CD109: variants seen among roughly 807,000 people sequenced by gnomAD.
CD109 encodes the protein CD109 antigen.
Under a neutral mutation model 165.8 loss-of-function variants are expected in CD109, and 149 were observed. The observed-to-expected ratio is 0.90, with a 90% CI of 0.79 to 1.03. The LOEUF (loss-of-function observed/expected upper bound fraction) is 1.03, where lower values mean the gene tolerates loss of function less well. CD109 is among the 50% of genes least tolerant of loss of function. CD109 has a pLI of 0.00. For synonymous variants in CD109, 585 were observed against 592.1 expected (o/e 0.99, Z 0.18); for missense variants, 1,712 against 1,677.8 (o/e 1.02, Z -0.36).
At chr6:73,797,837 T>C (rs1392746946) in intron 23 of CD109, among the ~76,000 whole-genome samples, 1 of 152,044 alleles carries the variant, frequency 6.6e-6, no homozygotes, top group Non-Finnish European at 1.5e-5. Context: ...GGCTCATGGG[T>C]TTTTATCTTA....
rs139876305 is a variant in CD109, at chr6:73,772,301, C to G, written c.1827+720C>G. 1.1e-3 allele frequency among the ~76,000 whole-genome samples: 171 copies of G among 151,948 alleles called. 1 individual carries two copies. The highest frequency in any genetic ancestry group is 3.9e-3 in the African/African-American group (162 of 41,464). ...TGGGTGGATCACGAGGTCAGGAGAT[C>G]GAGACCATCTTGGCTAACATGGTGA... On this transcript the variant is annotated intron_variant, in intron 15 of 32. Transcript: ENST00000287097.
chr6:73,759,053 T>C, intron 7 of CD109, 25 bp downstream of exon 7: 4 of 1,405,692 alleles, frequency 2.8e-6, no homozygotes, highest in Non-Finnish European at 4.0e-6. Flanking sequence ...TCTTTTGATA[T>C]GACTCAAAAC....
intron 3 of CD109, 115 bp downstream of exon 3, chr6:73,723,394 T>C (rs993916889): frequency 1.8e-5 from 15 of 836,968 alleles, no homozygotes; most frequent in South Asian, 6.2e-5. Flanking sequence ...TCATGTAAGT[T>C]TGGCTTGAGT....
intron 25 of CD109, among the ~76,000 whole-genome samples, chr6:73,807,809 T>A (rs1011206280): frequency 4.1e-4 from 63 of 152,308 alleles, no homozygotes; most frequent in African/African-American, 1.4e-3. Flanking sequence ...TCTGTGATAC[T>A]GAGTGGGAGA....
intron 25 of CD109, 72 bp downstream of exon 25, chr6:73,807,144 G>A (rs1419480400): frequency 6.4e-6 from 7 of 1,098,042 alleles, no homozygotes; most frequent in African/African-American, 4.7e-5. Context: ...GGTCAAATAT[G>A]TGTGTGGAAA....
rs185912813 is a variant in CD109 at position 73,808,258 on chromosome 6, T to C, written c.3355+10T>C. ...AGAGCAGAACAAGAAGGTAATGTGC[T>C]GGGCCCACTTGAGGTTGTTATGCTT... On this transcript the variant is annotated intron_variant, in intron 26 of 32. Coordinates refer to ENST00000287097, the MANE Select transcript of CD109 (RefSeq NM_133493.5). 392 of 1,600,986 alleles carry C rather than the reference T, an allele frequency of 2.4e-4. 4 individuals are homozygous for C. In the East Asian group the frequency reaches 8.0e-3, roughly 33 times the overall value.
intron 32 of CD109, among the ~76,000 whole-genome samples, chr6:73,821,845 A>G (rs1422539365): frequency 6.6e-6 from 1 of 152,196 alleles, no homozygotes; most frequent in Non-Finnish European, 1.5e-5. Flanking sequence ...CTTGTAACAA[A>G]CTTGTACATG....
At chr6:73,790,231 A>G (rs1209753447) in intron 22 of CD109, among the ~76,000 whole-genome samples, 2 of 150,920 alleles carry the variant, frequency 1.3e-5, no homozygotes, top group East Asian at 3.9e-4. Flanking sequence ...TGAAGATGGG[A>G]CTACAGGTGT....
intron 2 of CD109, among the ~76,000 whole-genome samples, chr6:73,719,230 T>C (rs781188892): frequency 1.6e-4 from 24 of 152,292 alleles, no homozygotes; most frequent in Non-Finnish European, 2.5e-4. Context: ...CTTTAAAGAG[T>C]TGCTAGTTAA....
chr6:73,801,238 T>G (rs1167022175), intron 23 of CD109, among the ~76,000 whole-genome samples: 3 of 152,248 alleles, frequency 2.0e-5, no homozygotes, highest in African/African-American at 7.2e-5. Flanking sequence ...ACATGGTATC[T>G]GTATCCGCTG....
At chr6:73,717,017 C>G (rs527440907) in intron 2 of CD109, among the ~76,000 whole-genome samples, 7 of 152,186 alleles carry the variant, frequency 4.6e-5, no homozygotes, top group Non-Finnish European at 1.0e-4. Context: ...TTTCCTAGCA[C>G]CATTTATTGA....
In CD109 at chr6:73,787,175, G is replaced by C. The variant is rs981908143; in HGVS notation, c.2338-59G>C. The C allele has an allele frequency of 2.8e-6, 3 of 1,086,446 alleles. No individual in the cohort carries two copies. The African/African-American group carries it at 4.8e-5, about 17-fold the overall frequency. The allele number at this position is 1,086,446 out of a possible 1,614,324, so 67.3% of individuals were successfully genotyped here. A position where few individuals can be genotyped will look rare whatever the true frequency, so the allele number is the denominator to read the frequency against. On this transcript the variant is annotated intron_variant, in intron 20 of 32. Transcript: ENST00000287097. ...GACAGTACTTAAACTGGTGATAAAA[G>C]AGCACTTTACTGAAGAGCATCTATT... is the stretch of plus-strand genomic sequence containing the variant.
intron 5 of CD109, among the ~76,000 whole-genome samples, chr6:73,755,197 A>C (rs1440380309): frequency 6.6e-6 from 1 of 152,240 alleles, no homozygotes. Flanking sequence ...AATACGTGTA[A>C]TTTATAATGT....
intron 15 of CD109, among the ~76,000 whole-genome samples, chr6:73,774,669 T>C (rs1329000953): frequency 2.0e-5 from 3 of 152,208 alleles, no homozygotes; most frequent in Admixed American, 1.3e-4. Context: ...CAGGACTGTG[T>C]GTCCTGAGGC....
chr6:73,731,039 T>C lies in CD109; in HGVS notation c.507+465T>C, dbSNP rs139654621. On this transcript the variant is annotated intron_variant, in intron 4 of 32. Coordinates refer to ENST00000287097, the MANE Select transcript of CD109 (RefSeq NM_133493.5). ...AGAGACAGAGAGTTTGTGTTTGCTA[T>C]TTTCTTTCTTTCTTTTTTTTTTTTG... Among the ~76,000 whole-genome samples, 375 of 152,148 alleles carry C rather than the reference T, an allele frequency of 2.5e-3. 2 individuals are homozygous for C. Among genetic ancestry groups the C allele is most frequent in the African/African-American group, 8.6e-3 (359 of 41,542 alleles).
intron 4 of CD109, among the ~76,000 whole-genome samples, chr6:73,731,477 G>A (rs960252977): frequency 5.9e-5 from 9 of 152,230 alleles, no homozygotes; most frequent in African/African-American, 1.2e-4. Flanking sequence ...GGAACAACAA[G>A]CTGGCAGTGT....
rs1773505632 is a variant in CD109, at chr6:73,758,930, C to T, written c.674-14C>T. On this transcript the variant is annotated splice_polypyrimidine_tract_variant and intron_variant, in intron 6 of 32. Transcript: ENST00000287097. ...AAAAAGAAAAAAAGATTTACCCTTG[C>T]TTTTCTTTTCCAGTATTACCAAAAT... 6.9e-7 allele frequency: 1 copy of T among 1,457,582 alleles called. No individual in the cohort carries two copies. 90.3% of individuals were successfully genotyped at this position (1,457,582 alleles called of 1,614,324 possible).
intron 6 of CD109, among the ~76,000 whole-genome samples, 184 bp downstream of exon 6, chr6:73,756,866 G>GA (rs138812608): frequency 0.024 from 3,704 of 151,904 alleles, 69 homozygotes; most frequent in East Asian, 0.042. Flanking sequence ...TCATTATACA[G>GA]AAAAAAGTAG....
rs73462435 is a variant in CD109 at position 73,804,304 on chromosome 6, T to C, written c.2960+1003T>C. ...TGGCCTGACTCAGGATATAGAACCA[T>C]AAATAGAAAGCTTTCAGTGTTGTAT... On this transcript the variant is annotated intron_variant, in intron 24 of 32. Transcript: ENST00000287097. Among the ~76,000 whole-genome samples, 941 of 152,358 alleles carry C rather than the reference T, an allele frequency of 6.2e-3. 15 individuals carry two copies. Among genetic ancestry groups the C allele is most frequent in the African/African-American group, 0.021 (882 of 41,580 alleles).
Sources: gnomAD v4.1 joint callset for allele counts (sites outside exome capture counted in the v4.1 genomes callset) on GRCh38, gnomAD v4.1.1 for gene constraint, MANE v1.5 for transcripts, NCBI Gene and HGNC (gene_info 2026-07-23, HGNC 2026-07-21) for gene names.